The following CDYL variants were observed in gnomAD, a reference collection of about 807,000 sequenced individuals.
CDYL encodes chromodomain Y-like protein.
A neutral mutation model predicts 47.3 loss-of-function variants in CDYL; 8 were observed. That is an observed-to-expected ratio of 0.17 (90% CI 0.10 to 0.31). The LOEUF (loss-of-function observed/expected upper bound fraction) is 0.31, where lower values mean the gene tolerates loss of function less well. CDYL is among the 10% of genes least tolerant of loss of function. The pLI is 1.00. For missense variants in CDYL, 471 were observed against 701.4 expected, an observed-to-expected ratio of 0.67 and a Z score of 3.71; for synonymous variants, 266 against 265.0, an observed-to-expected ratio of 1.00 and a Z score of -0.04.
intron 1 of CDYL, among the ~76,000 whole-genome samples, chr6:4,833,392 T>A (rs1274191374): frequency 5.9e-5 from 9 of 151,932 alleles, no homozygotes; most frequent in Non-Finnish European, 1.3e-4. Context: ...TTTGAGTGAG[T>A]TTCTTAATCC....
rs949717929 is a variant in CDYL, at chr6:4,722,233, A to G, written c.103+6352A>G. 3.3e-5 allele frequency among the ~76,000 whole-genome samples: 5 copies of G among 151,180 alleles called. No individual in the cohort carries two copies. In the East Asian group the frequency reaches 5.9e-4, roughly 18 times the overall value. On this transcript the variant is annotated intron_variant, in intron 2 of 8. Transcript: ENST00000328908. ...TTAATCCCAGTACTTTGGGAGGCCAATGGGGGGAGGAACACTTGAGGCCAG... is the reference window on the plus strand; with the variant it reads ...TTAATCCCAGTACTTTGGGAGGCCAGTGGGGGGAGGAACACTTGAGGCCAG...
intron 1 of CDYL, among the ~76,000 whole-genome samples, chr6:4,877,971 A>G (rs750995017): frequency 6.6e-6 from 1 of 152,190 alleles, no homozygotes; most frequent in Non-Finnish European, 1.5e-5. Context: ...GACTGTCTTT[A>G]CATTCATTTA....
intron 1 of CDYL, among the ~76,000 whole-genome samples, chr6:4,794,472 G>A (rs555051540): frequency 1.4e-3 from 208 of 152,212 alleles, no homozygotes; most frequent in African/African-American, 4.7e-3. Flanking sequence ...GCGACTCCTC[G>A]GAAGGGTTTC....
intron 1 of CDYL, among the ~76,000 whole-genome samples, chr6:4,857,195 A>G (rs1345036582): frequency 6.6e-6 from 1 of 152,230 alleles, no homozygotes; most frequent in Non-Finnish European, 1.5e-5. Flanking sequence ...TTCTGTGTAC[A>G]GTTCACTGGC....
rs568216941 is a variant in CDYL at position 4,729,695 on chromosome 6, A to G, written c.104-5067A>G. On this transcript the variant is annotated intron_variant, in intron 2 of 8. Transcript: ENST00000328908. ...CACTTTGGGAGGCCAAGGCGGGTGG[A>G]TCACTTGAGGTCAGGAGTTTGAGAC... 4.3e-4 allele frequency among the ~76,000 whole-genome samples: 66 copies of G among 152,344 alleles called. 2 individuals are homozygous for G. The South Asian group carries it at 0.013, about 29-fold the overall frequency.
intron 1 of CDYL, among the ~76,000 whole-genome samples, chr6:4,712,345 C>T (rs74940182): frequency 0.046 from 6,959 of 152,212 alleles, 178 homozygotes; most frequent in African/African-American, 0.07. Flanking sequence ...TACTAGGAAT[C>T]CCCCCTGGAT....
chr6:4,758,203 G>A lies in CDYL; in HGVS notation c.186+23359G>A, dbSNP rs150450849. Among the ~76,000 whole-genome samples, 356 of 151,506 alleles carry A rather than the reference G, an allele frequency of 2.3e-3. 2 individuals carry two copies. Among genetic ancestry groups the A allele is most frequent in the African/African-American group, 8.1e-3 (336 of 41,270 alleles). On this transcript the variant is annotated intron_variant, in intron 3 of 8. Coordinates refer to the CDYL transcript ENST00000328908. Reference sequence around the variant, plus strand: ...AAAAATACAAAAATAGCAGGATGTGGTGGCTCATGCCTGTAGTCCCAGTTA... The same window carrying A: ...AAAAATACAAAAATAGCAGGATGTGATGGCTCATGCCTGTAGTCCCAGTTA...
chr6:4,850,285 C>G (rs1049617312), intron 1 of CDYL, among the ~76,000 whole-genome samples: 3 of 152,226 alleles, frequency 2.0e-5, no homozygotes, highest in African/African-American at 7.2e-5. Flanking sequence ...AAACTCTGTT[C>G]TCATTCTGGT....
chr6:4,952,441 T>C (rs1758736442), intron 6 of CDYL, 32 bp downstream of exon 6: 1 of 1,577,416 alleles, frequency 6.3e-7, no homozygotes, highest in Middle Eastern at 1.7e-4. Flanking sequence ...ACACGTTACT[T>C]TTTAAAAAAT....
rs182252024 is a variant in CDYL, at chr6:4,895,804, C to G, written c.691+3425C>G. Reference sequence around the variant, plus strand: ...CAAGAACCTTCATTCCTTTATATTTCTTATATAAGGAAGATAATAATAGCT... The same window carrying G: ...CAAGAACCTTCATTCCTTTATATTTGTTATATAAGGAAGATAATAATAGCT... On this transcript the variant is annotated intron_variant, in intron 2 of 6. Coordinates refer to ENST00000397588, the MANE Select transcript of CDYL (RefSeq NM_004824.4). Among the ~76,000 whole-genome samples, 411 of 152,256 alleles carry G rather than the reference C, an allele frequency of 2.7e-3. 2 individuals are homozygous for G. The highest frequency in any genetic ancestry group is 9.6e-3 in the African/African-American group (397 of 41,552).
In CDYL at chr6:4,834,182, A is replaced by G. The variant is rs557961711; in HGVS notation, c.24+57375A>G. 9.6e-3 allele frequency among the ~76,000 whole-genome samples: 1,463 copies of G among 152,204 alleles called. 27 individuals carry two copies. Among genetic ancestry groups the G allele is most frequent in the African/African-American group, 0.033 (1,383 of 41,512 alleles). On this transcript the variant is annotated intron_variant, in intron 1 of 6. Coordinates refer to ENST00000397588, the MANE Select transcript of CDYL (RefSeq NM_004824.4). ...TCTTCCTAGTCTTGATGGTCTTTAC[A>G]TTTTGGCATGATTTTGCAGCGGCTG...
intron 2 of CDYL, among the ~76,000 whole-genome samples, chr6:4,905,637 G>A (rs1297585044): frequency 6.6e-6 from 1 of 152,218 alleles, no homozygotes; most frequent in Non-Finnish European, 1.5e-5. Context: ...GCCTGGGTCA[G>A]AGCCGAAGGG....
chr6:4,951,748 T>C (rs1758711012), intron 5 of CDYL, among the ~76,000 whole-genome samples: 1 of 152,032 alleles, frequency 6.6e-6, no homozygotes, highest in Non-Finnish European at 1.5e-5. Flanking sequence ...CAAGTCACCA[T>C]TGGCCTCCCA....
At chr6:4,765,336 CAAAT>C (rs1247397020) in intron 3 of CDYL, among the ~76,000 whole-genome samples, 26 of 151,480 alleles carry the variant, frequency 1.7e-4, no homozygotes, top group East Asian at 3.9e-4. Context: ...AAAAAAAAGA[CAAAT>C]AAAAATAACT....
intron 1 of CDYL, among the ~76,000 whole-genome samples, chr6:4,884,277 A>G (rs959491421): frequency 6.6e-6 from 1 of 152,140 alleles, no homozygotes; most frequent in African/African-American, 2.4e-5. Context: ...CTGATGTTTT[A>G]TGGTATTGCT....
intron 1 of CDYL, among the ~76,000 whole-genome samples, chr6:4,801,718 G>T (rs1369857308): frequency 1.3e-5 from 2 of 151,964 alleles, no homozygotes; most frequent in Admixed American, 1.3e-4. Context: ...TTTATTCTGG[G>T]GATTCCCCTA....
At chr6:4,896,927 C>T (rs576163286) in intron 2 of CDYL, among the ~76,000 whole-genome samples, 11 of 152,276 alleles carry the variant, frequency 7.2e-5, no homozygotes, top group African/African-American at 2.6e-4. Flanking sequence ...CACACACACT[C>T]ACTTTTATAG....
At chr6:4,778,838 T>G (rs1282129355) in intron 1 of CDYL, among the ~76,000 whole-genome samples, 1 of 152,208 alleles carries the variant, frequency 6.6e-6, no homozygotes, top group Non-Finnish European at 1.5e-5. Flanking sequence ...ATTGAAAGTT[T>G]TGCATGGCAG....
chr6:4,896,702 ATTGT>A (rs1762293906), intron 2 of CDYL, among the ~76,000 whole-genome samples: 1 of 152,212 alleles, frequency 6.6e-6, no homozygotes, highest in Non-Finnish European at 1.5e-5. Flanking sequence ...TTTTTAAGCC[ATTGT>A]TTGTTTTTAC....
Sources: gnomAD v4.1 joint callset for allele counts (sites outside exome capture counted in the v4.1 genomes callset) on GRCh38, gnomAD v4.1.1 for gene constraint, MANE v1.5 for transcripts, NCBI Gene and HGNC (gene_info 2026-07-23, HGNC 2026-07-21) for gene names.